The following CTSH variants were observed in gnomAD, a reference collection of about 807,000 sequenced individuals.
CTSH encodes the protein cathepsin H.
Under a neutral mutation model 56.3 loss-of-function variants are expected in CTSH, and 52 were observed. The ratio of observed to expected loss-of-function variants is 0.92; its 90% confidence interval spans 0.74 to 1.16. The LOEUF is 1.16. Ranked by LOEUF, CTSH falls within the 50% of genes most tolerant of loss-of-function variation. The probability of loss-of-function intolerance (pLI) is 0.00; values close to 1 mark genes in which losing one functional copy is unlikely to be tolerated. For synonymous variants in CTSH, 174 were observed against 155.7 expected (o/e 1.12, Z -0.88); for missense variants, 406 against 424.5 (o/e 0.96, Z 0.38).
chr15:78,927,705 G>T lies in CTSH; in HGVS notation c.699+8C>A. On this transcript the variant is annotated splice_region_variant and intron_variant, in intron 9 of 11. Transcript: ENST00000220166. Reference sequence around the variant, plus strand: ...CATTCCCCATCCCAGAGGGGGATCGGCACTCACGATTGTGATGTTGGCTAC... The same window carrying T: ...CATTCCCCATCCCAGAGGGGGATCGTCACTCACGATTGTGATGTTGGCTAC... 6.2e-7 allele frequency: 1 copy of T among 1,613,292 alleles called. No homozygotes were observed. Among genetic ancestry groups the T allele is most frequent in the Non-Finnish European group, 8.5e-7 (1 of 1,179,320 alleles).
chr15:78,922,296 A>G, intron 11 of CTSH, 91 bp from the exon 12 acceptor site: 2 of 1,002,408 alleles, frequency 2.0e-6, no homozygotes. Flanking sequence ...AGCTGACTTC[A>G]GGGGTGAGAC....
Position 78,937,450 on chromosome 15 carries a change from T to A in CTSH, c.124-27A>T, listed in dbSNP as rs750657716. 12 of 1,590,300 alleles carry A rather than the reference T, an allele frequency of 7.5e-6. No individual in the cohort carries two copies. The East Asian group carries it at 2.7e-4, about 36-fold the overall frequency. On this transcript the variant is annotated intron_variant, in intron 2 of 11. Coordinates refer to ENST00000220166, the MANE Select transcript of CTSH (RefSeq NM_004390.5). ...TAAAACAAAACACGCCAGTAGCAAG[T>A]CATGGAAACAGGCTGCAGCTCCCTA...
intron 5 of CTSH, chr15:78,934,697 T>C: frequency 2.1e-6 from 1 of 479,232 alleles, no homozygotes; most frequent in Non-Finnish European, 3.9e-6. Context: ...TGGATGGCTC[T>C]GTAGGAGAGA....
At position 78,929,935 on chromosome 15, in the gene CTSH, A is replaced by G. The variant is rs532837692; in HGVS notation, c.549-442T>C. Among the ~76,000 whole-genome samples the G allele has an allele frequency of 2.0e-5, 3 of 152,300 alleles. No individual in the cohort carries two copies. The South Asian group carries it at 6.2e-4, about 32-fold the overall frequency. ...TAACCTGGCCAGGGCCACACAGCTA[A>G]AGCTGGGAAGTGGTTCCAAAAGTGG... On this transcript the variant is annotated intron_variant, in intron 7 of 11. Coordinates refer to ENST00000220166, the MANE Select transcript of CTSH (RefSeq NM_004390.5).
At chr15:78,930,763 G>C (rs1000676106) in intron 7 of CTSH, among the ~76,000 whole-genome samples, 1 of 152,154 alleles carries the variant, frequency 6.6e-6, no homozygotes, top group Non-Finnish European at 1.5e-5. Flanking sequence ...GCAGGAGGAA[G>C]AGCCAGCTCA....
At chr15:78,928,692 T>C (rs1596274893) in intron 8 of CTSH, among the ~76,000 whole-genome samples, 1 of 148,956 alleles carries the variant, frequency 6.7e-6, no homozygotes, top group South Asian at 2.1e-4. Flanking sequence ...AGGCGTGGGG[T>C]CTGAGCTGGG....
intron 3 of CTSH, 174 bp downstream of exon 3, chr15:78,937,144 T>A (rs2055192351): frequency 1.7e-6 from 1 of 605,562 alleles, no homozygotes; most frequent in Non-Finnish European, 2.9e-6. Context: ...GTCCCAAATT[T>A]ACGATCCCAC....
At chr15:78,932,560 C>A (rs138791716) in intron 5 of CTSH, 102 bp from the exon 6 acceptor site, 1 of 820,892 alleles carries the variant, frequency 1.2e-6, no homozygotes, top group Non-Finnish European at 2.0e-6. Context: ...GCTCCCGAGT[C>A]CCCAGGTGCC....
intron 2 of CTSH, 103 bp from the exon 3 acceptor site, chr15:78,937,526 G>T: frequency 2.9e-6 from 4 of 1,359,304 alleles, no homozygotes; most frequent in Non-Finnish European, 4.0e-6. Flanking sequence ...TTTTCTTTCT[G>T]CTATGATTCT....
chr15:78,932,556 G>A (rs182963943), intron 5 of CTSH, 98 bp from the exon 6 acceptor site: 9 of 863,804 alleles, frequency 1.0e-5, no homozygotes, highest in Admixed American at 2.1e-5. Flanking sequence ...CAGAGCTCCC[G>A]AGTCCCCAGG....
At chr15:78,944,538 C>T (rs2055355372) in intron 1 of CTSH, 1 of 200,952 alleles carries the variant, frequency 5.0e-6, no homozygotes, top group Non-Finnish European at 1.0e-5. Context: ...CCTTGCTCAC[C>T]TCTGGCAGGG....
chr15:78,934,249 AG>A (rs2141541778), intron 5 of CTSH, among the ~76,000 whole-genome samples: 1 of 152,332 alleles, frequency 6.6e-6, no homozygotes, highest in South Asian at 2.1e-4. Flanking sequence ...TTTCTCATGG[AG>A]AATTTCGATG....
chr15:78,931,920 C>T, intron 6 of CTSH: 2 of 1,187,526 alleles, frequency 1.7e-6, no homozygotes, highest in South Asian at 2.0e-5. Flanking sequence ...TGTGCACTGT[C>T]CCTCCTTTCT....
chr15:78,936,204 A>G lies in CTSH; in HGVS notation c.230-454T>C, dbSNP rs1206363824. ...TCTTTTTTTTTTTTTTTTTTTTGAG[A>G]CAGAGTCTCGCTCTGTCACCCAGGC... is the stretch of plus-strand genomic sequence containing the variant. On this transcript the variant is annotated intron_variant, in intron 3 of 11. Transcript: ENST00000220166. 3.1e-5 allele frequency among the ~76,000 whole-genome samples: 4 copies of G among 128,702 alleles called. No individual in the cohort carries two copies. In the Admixed American group the frequency reaches 3.5e-4, roughly 11 times the overall value. The allele number at this position is 128,702 out of a possible 152,430, so 84.4% of individuals were successfully genotyped here. A position where few individuals can be genotyped will look rare whatever the true frequency, so the allele number is the denominator to read the frequency against.
chr15:78,922,960 C>T, intron 11 of CTSH, 33 bp downstream of exon 11: 1 of 1,589,692 alleles, frequency 6.3e-7, no homozygotes, highest in Non-Finnish European at 8.5e-7. Context: ...AGCAACATCC[C>T]CCTCCCAGAA....
intron 2 of CTSH, 30 bp from the exon 3 acceptor site, chr15:78,937,453 T>G (rs757906117): frequency 6.9e-6 from 11 of 1,587,416 alleles, no homozygotes; most frequent in Non-Finnish European, 9.5e-6. Context: ...TAGCAAGTCA[T>G]GGAAACAGGC....
intron 9 of CTSH, 169 bp from the exon 10 acceptor site, chr15:78,925,609 G>T: frequency 1.8e-6 from 1 of 564,046 alleles, no homozygotes; most frequent in South Asian, 1.9e-5. Context: ...GGGTCTGTCT[G>T]GCCATCTCTC....
In CTSH at chr15:78,922,985, C is replaced by G. The variant is rs2054807973; in HGVS notation, c.932+8G>C. 6.2e-7 allele frequency: 1 copy of G among 1,604,746 alleles called. No individual in the cohort carries two copies. Among genetic ancestry groups the G allele is most frequent in the Admixed American group, 1.7e-5 (1 of 57,184 alleles). On this transcript the variant is annotated splice_region_variant and intron_variant, in intron 11 of 11. Coordinates refer to ENST00000220166, the MANE Select transcript of CTSH (RefSeq NM_004390.5). Reference sequence around the variant, plus strand: ...CCCTCCCAGAAGTGGGACCTGGGAGCTGCTTACCCGTTCATTCCCCACTGG... The same window carrying G: ...CCCTCCCAGAAGTGGGACCTGGGAGGTGCTTACCCGTTCATTCCCCACTGG...
intron 10 of CTSH, 82 bp from the exon 11 acceptor site, chr15:78,923,200 G>C (rs2054815153): frequency 6.7e-7 from 1 of 1,503,284 alleles, no homozygotes; most frequent in Non-Finnish European, 9.1e-7. Flanking sequence ...GCCTCTTTGA[G>C]CGCTTTAGAG....
Sources: gnomAD v4.1 joint callset for allele counts (sites outside exome capture counted in the v4.1 genomes callset) on GRCh38, gnomAD v4.1.1 for gene constraint, MANE v1.5 for transcripts, NCBI Gene and HGNC (gene_info 2026-07-23, HGNC 2026-07-21) for gene names.